The following MAPK8 variants were observed in gnomAD, a reference collection of about 807,000 sequenced individuals.
The protein encoded by MAPK8 is JUN N-terminal kinase.
A neutral mutation model predicts 52.9 loss-of-function variants in MAPK8; 13 were observed. The ratio of observed to expected loss-of-function variants is 0.25; its 90% CI spans 0.16 to 0.39. The LOEUF is 0.39. Ranked by LOEUF, MAPK8 falls within the 10% of genes least tolerant of loss-of-function variation. MAPK8 has a pLI of 1.00. For synonymous variants in MAPK8, 191 were observed against 169.8 expected (o/e 1.12, Z -0.97); for missense variants, 300 against 519.2 (o/e 0.58, Z 4.10).
intron 1 of MAPK8, among the ~76,000 whole-genome samples, chr10:48,324,503 G>GTTTTTTTTTTTTTGGT: frequency 8.5e-6 from 1 of 118,020 alleles, no homozygotes; most frequent in Non-Finnish European, 1.7e-5. Flanking sequence ...CTGTTTTCTA[G>GTTTTTTTTTTTTTGGT]TTTTTTTTTT....
chr10:48,360,346 A>G (rs557831054), intron 1 of MAPK8, among the ~76,000 whole-genome samples: 141 of 152,320 alleles, frequency 9.3e-4, no homozygotes, highest in African/African-American at 3.4e-3. Flanking sequence ...TGTCAATTCC[A>G]TGTTGGTGTT....
chr10:48,367,372 T>A (rs1331263908), intron 1 of MAPK8, among the ~76,000 whole-genome samples: 1 of 148,900 alleles, frequency 6.7e-6, no homozygotes, highest in East Asian at 1.9e-4. Context: ...GTTTAAAAAT[T>A]AAAAATAAAT....
At chr10:48,428,510 A>G (rs148308174) in intron 10 of MAPK8, among the ~76,000 whole-genome samples, 76 of 152,382 alleles carry the variant, frequency 5.0e-4, no homozygotes, top group African/African-American at 1.8e-3. Flanking sequence ...TGACCCATCT[A>G]TAAATGTATT....
At chr10:48,367,470 C>G (rs1040172483) in intron 1 of MAPK8, among the ~76,000 whole-genome samples, 4 of 151,796 alleles carry the variant, frequency 2.6e-5, no homozygotes, top group African/African-American at 9.6e-5. Context: ...TTAACCAAAA[C>G]TAAGCATCAG....
chr10:48,349,636 T>C (rs1846113176), intron 1 of MAPK8, among the ~76,000 whole-genome samples: 1 of 152,140 alleles, frequency 6.6e-6, no homozygotes. Context: ...TAGAAGGAAA[T>C]TTATAGCACT....
intron 1 of MAPK8, among the ~76,000 whole-genome samples, chr10:48,311,599 G>A (rs892213291): frequency 6.6e-6 from 1 of 152,170 alleles, no homozygotes; most frequent in African/African-American, 2.4e-5. Flanking sequence ...AAAATGGAAT[G>A]CTGTCACATC....
intron 2 of MAPK8, 151 bp from the exon 3 acceptor site, chr10:48,404,701 A>G (rs1564590643): frequency 1.1e-5 from 6 of 568,676 alleles, no homozygotes; most frequent in Non-Finnish European, 1.9e-5. Flanking sequence ...TGTAATAGAT[A>G]TAGAAGACAC....
chr10:48,392,092 C>T (rs985158484), intron 1 of MAPK8, among the ~76,000 whole-genome samples: 3 of 151,932 alleles, frequency 2.0e-5, no homozygotes, highest in Non-Finnish European at 2.9e-5. Flanking sequence ...TGGGATTGGA[C>T]AAAAAGGGTA....
In MAPK8 at chr10:48,426,425, C is replaced by A. The variant is rs1313003666; in HGVS notation, c.917C>A (p.Ala306Glu). The A allele has an allele frequency of 6.2e-7, 1 of 1,610,956 alleles. No individual in the cohort carries two copies. Among genetic ancestry groups the A allele is most frequent in the Admixed American group, 1.7e-5 (1 of 59,490 alleles). Residue 306 changes from alanine to glutamate, a missense_variant, in exon 9 of 12, where the codon GCA (alanine) becomes GAA (glutamate). Physicochemically the swap from Ala to Glu is moderately radical, Grantham distance 107 (BLOSUM62 -1). Around this residue, in one of 3 missense-constraint regions of MAPK8, gnomAD observed 119 missense variants for 154.4 expected, o/e 0.77. Transcript: ENST00000374189. ...DLLSKMLVID[A>E]SKRISVDEAL... is the part of the protein sequence containing the mutation. ...TTATCCAAAATGCTGGTAATAGATGCATCTAAAAGGATCTCTGTAGATGAA... is the reference window on the plus strand; with the variant it reads ...TTATCCAAAATGCTGGTAATAGATGAATCTAAAAGGATCTCTGTAGATGAA...
At chr10:48,347,503 C>A (rs1589021248) in intron 1 of MAPK8, among the ~76,000 whole-genome samples, 1 of 152,084 alleles carries the variant, frequency 6.6e-6, no homozygotes, top group Non-Finnish European at 1.5e-5. Flanking sequence ...ACCCATCATC[C>A]CGTCATCTAC....
Position 48,437,406 on chromosome 10 carries a change from A to T in MAPK8, c.*2377A>T, listed in dbSNP as rs2044937888. 1 of 152,164 alleles carries T rather than the reference A, an allele frequency of 6.6e-6. No homozygotes were observed. 9.4% of individuals were successfully genotyped at this position (152,164 alleles called of 1,614,324 possible). On this transcript the variant is annotated 3_prime_UTR_variant, in exon 12 of 12. Transcript: ENST00000374189. ...AACATTTCTATCAGGTAGTACTTGT[A>T]TGAAACCACCTTTCTTATTCTATAA...
At position 48,354,155 on chromosome 10, in the gene MAPK8, T is replaced by TA. The variant is rs528008393; in HGVS notation, c.-50+47343dup. Among the ~76,000 whole-genome samples the TA allele has an allele frequency of 2.6e-3, 402 of 152,104 alleles. 2 individuals are homozygous for TA. The highest frequency in any genetic ancestry group is 8.7e-3 in the African/African-American group (363 of 41,500). ...TTTGAATCTAAAATTATTTCAAAATTAAAAAAAAATTTTTTTAAATTATCC... is the reference window on the plus strand; with the variant it reads ...TTTGAATCTAAAATTATTTCAAAATTAAAAAAAAAATTTTTTTAAATTATCC... On this transcript the variant is annotated intron_variant, in intron 1 of 11. Transcript: ENST00000374189.
At chr10:48,316,470 A>G (rs1294165794) in intron 1 of MAPK8, among the ~76,000 whole-genome samples, 6 of 152,198 alleles carry the variant, frequency 3.9e-5, no homozygotes, top group African/African-American at 7.2e-5. Flanking sequence ...AGGTGTGACT[A>G]TGTGTATAGG....
At chr10:48,346,329 A>T (rs1326611836) in intron 1 of MAPK8, among the ~76,000 whole-genome samples, 1 of 152,226 alleles carries the variant, frequency 6.6e-6, no homozygotes, top group East Asian at 1.9e-4. Context: ...TCTAGGAAAA[A>T]CCAGGCCATA....
At chr10:48,359,645 G>C (rs1167719974) in intron 1 of MAPK8, among the ~76,000 whole-genome samples, 2 of 152,162 alleles carry the variant, frequency 1.3e-5, no homozygotes. Flanking sequence ...CTATGTGACA[G>C]AACACCATTG....
intron 2 of MAPK8, among the ~76,000 whole-genome samples, chr10:48,403,279 G>A (rs2042253876): frequency 6.6e-6 from 1 of 152,100 alleles, no homozygotes; most frequent in South Asian, 2.1e-4. Flanking sequence ...CCAACATGGT[G>A]AAACCCTGTC....
intron 1 of MAPK8, among the ~76,000 whole-genome samples, chr10:48,379,124 G>A (rs1291747369): frequency 6.6e-6 from 1 of 152,180 alleles, no homozygotes; most frequent in Non-Finnish European, 1.5e-5. Flanking sequence ...AGTCTAAGAA[G>A]TCAAGCCAGG....
intron 1 of MAPK8, among the ~76,000 whole-genome samples, chr10:48,371,133 A>G (rs532424664): frequency 6.4e-4 from 98 of 152,260 alleles, no homozygotes; most frequent in African/African-American, 1.2e-3. Context: ...TATATTGCCA[A>G]TGAATGATGT....
intron 1 of MAPK8, among the ~76,000 whole-genome samples, chr10:48,337,620 A>G (rs1420212388): frequency 6.6e-6 from 1 of 152,154 alleles, no homozygotes; most frequent in Non-Finnish European, 1.5e-5. Flanking sequence ...ACTAAACAGA[A>G]TTGAGACCAA....
Sources: gnomAD v4.1 joint callset for allele counts (sites outside exome capture counted in the v4.1 genomes callset) on GRCh38, gnomAD v4.1.1 for gene constraint, gnomAD v4.1.1 regional missense constraint, MANE v1.5 for transcripts, NCBI Gene and HGNC (gene_info 2026-07-23, HGNC 2026-07-21) for gene names.